Variants in RASA3 observed in about 807,000 individuals in gnomAD.
The protein encoded by RASA3 is RAS p21 protein activator 3, also known as ras GTPase-activating protein 3.
In RASA3, 73 loss-of-function variants were observed where a neutral mutation model predicts 110.0. The observed-to-expected ratio is 0.66, with a 90% CI of 0.55 to 0.81. The LOEUF (loss-of-function observed/expected upper bound fraction) is 0.81, where lower values mean the gene tolerates loss of function less well. Among genes scored for constraint, RASA3 ranks in the 30% least tolerant of loss-of-function variants. The pLI, the probability that RASA3 is intolerant of heterozygous loss-of-function variation, is 0.00. For synonymous variants in RASA3, 500 were observed against 451.4 expected, an observed-to-expected ratio of 1.11 and a Z score of -1.37; for missense variants, 976 against 1,113.2, an observed-to-expected ratio of 0.88 and a Z score of 1.75.
chr13:114,042,991 A>G (rs1326627297), intron 3 of RASA3, among the ~76,000 whole-genome samples: 4 of 152,172 alleles, frequency 2.6e-5, no homozygotes, highest in African/African-American at 9.6e-5. Context: ...CCACCCTGCG[A>G]GGTCCCAGGA....
At chr13:114,002,023 C>T (rs954830458) in intron 18 of RASA3, among the ~76,000 whole-genome samples, 7 of 152,260 alleles carry the variant, frequency 4.6e-5, no homozygotes, top group Non-Finnish European at 1.0e-4. Context: ...AACACCCTCC[C>T]GGCAGCCCAG....
intron 1 of RASA3, among the ~76,000 whole-genome samples, chr13:114,089,967 C>G (rs917102776): frequency 6.6e-6 from 1 of 152,158 alleles, no homozygotes; most frequent in African/African-American, 2.4e-5. Context: ...CCGTGCTTAG[C>G]CCGTCACAGC....
chr13:114,097,931 C>T (rs930277473), intron 1 of RASA3, among the ~76,000 whole-genome samples: 4 of 152,210 alleles, frequency 2.6e-5, no homozygotes, highest in Non-Finnish European at 5.9e-5. Context: ...CGGGGCCCCA[C>T]CACAGGGGGT....
At chr13:114,100,127 C>T (rs1000108898) in intron 1 of RASA3, among the ~76,000 whole-genome samples, 1 of 151,146 alleles carries the variant, frequency 6.6e-6, no homozygotes, top group Admixed American at 6.6e-5. Context: ...CACAGCAAGG[C>T]TTTCCAAACT....
intron 4 of RASA3, among the ~76,000 whole-genome samples, chr13:114,030,499 GAGGGCAAGACTCACA>G (rs2054138525): frequency 1.9e-5 from 2 of 106,612 alleles, no homozygotes; most frequent in African/African-American, 6.1e-5. Flanking sequence ...GACTCACACA[GAGGGCAAGACTCACA>G]CAGAGAGCAA....
chr13:114,052,391 C>T (rs1473580555), intron 2 of RASA3, among the ~76,000 whole-genome samples: 5 of 152,184 alleles, frequency 3.3e-5, no homozygotes, highest in African/African-American at 4.8e-5. Context: ...GGCTGCCTGG[C>T]GGCCCGGAAG....
At chr13:113,983,462 T>G (rs3892305) in intron 22 of RASA3, among the ~76,000 whole-genome samples, 53,076 of 111,230 alleles carry the variant, frequency 0.48, 17,833 homozygotes, top group African/African-American at 0.54. Flanking sequence ...CAGCAAAATG[T>G]GGGGAGAGAG....
Position 113,999,737 on chromosome 13 carries a change from G to A in RASA3, c.1850-70C>T, listed in dbSNP as rs1057388092. ...CGGCTGGGGTCCGGGTGGGGCTGAG[G>A]GGTCTCTGCCGGGGGGTCTCCCAGG... On this transcript the variant is annotated intron_variant, in intron 19 of 23. Transcript: ENST00000334062. 26 of 1,336,890 alleles carry A rather than the reference G, an allele frequency of 1.9e-5. No homozygotes were observed. The Admixed American group carries it at 3.0e-4, about 15-fold the overall frequency. The allele number at this position is 1,336,890 out of a possible 1,614,324, so 82.8% of individuals were successfully genotyped here. A position where few individuals can be genotyped will look rare whatever the true frequency, so the allele number is the denominator to read the frequency against.
chr13:113,989,098 C>T (rs1352173296), intron 22 of RASA3, among the ~76,000 whole-genome samples: 1 of 149,892 alleles, frequency 6.7e-6, no homozygotes, highest in Non-Finnish European at 1.5e-5. Flanking sequence ...CGATCACTCA[C>T]CCATCTGTCC....
intron 1 of RASA3, among the ~76,000 whole-genome samples, chr13:114,074,483 T>C (rs990323943): frequency 2.0e-5 from 3 of 152,244 alleles, no homozygotes; most frequent in Non-Finnish European, 4.4e-5. Context: ...ATAACTTCCA[T>C]GATGCAAAGG....
chr13:114,030,144 C>T lies in RASA3; in HGVS notation c.373-257G>A, dbSNP rs367972456. Among the ~76,000 whole-genome samples, 11 of 152,340 alleles carry T rather than the reference C, an allele frequency of 7.2e-5. No individual in the cohort carries two copies. In the East Asian group the frequency reaches 1.3e-3, roughly 19 times the overall value. On this transcript the variant is annotated intron_variant, in intron 4 of 23. Transcript: ENST00000334062. ...GCTCCTGGCTCTGCTGAGAGCAGGT[C>T]GCTGCCTCAGAAGTGAGGGGTCCAA...
intron 2 of RASA3, among the ~76,000 whole-genome samples, chr13:114,070,079 C>T (rs1311204609): frequency 1.6e-4 from 11 of 69,142 alleles, no homozygotes; most frequent in Non-Finnish European, 2.7e-4. Flanking sequence ...CTCGGGGAGC[C>T]GGGAGACTTG....
At chr13:114,116,605 G>A (rs1438932528) in intron 1 of RASA3, among the ~76,000 whole-genome samples, 1 of 152,024 alleles carries the variant, frequency 6.6e-6, no homozygotes, top group East Asian at 1.9e-4. Context: ...TTTAAATAAA[G>A]TTATTTGAAA....
At chr13:114,124,296 C>T (rs1441188829) in intron 1 of RASA3, among the ~76,000 whole-genome samples, 4 of 152,214 alleles carry the variant, frequency 2.6e-5, no homozygotes, top group Non-Finnish European at 5.9e-5. Context: ...GAATCCAGCC[C>T]TGTCTGCAGA....
At chr13:114,100,465 C>T (rs2080042419) in intron 1 of RASA3, among the ~76,000 whole-genome samples, 1 of 152,348 alleles carries the variant, frequency 6.6e-6, no homozygotes, top group Admixed American at 6.5e-5. Context: ...AGGGCTCTGT[C>T]AGGCGGAGGA....
intron 4 of RASA3, among the ~76,000 whole-genome samples, chr13:114,038,060 T>C (rs1322544454): frequency 6.7e-6 from 1 of 150,204 alleles, no homozygotes; most frequent in Non-Finnish European, 1.5e-5. Context: ...TCTATAACCA[T>C]TTCAAAATTA....
At chr13:114,107,310 G>A (rs2080147676) in intron 1 of RASA3, among the ~76,000 whole-genome samples, 1 of 132,232 alleles carries the variant, frequency 7.6e-6, no homozygotes, top group South Asian at 2.7e-4. Flanking sequence ...CCTTGCGGGG[G>A]ACGGGCCTGT....
Position 113,996,701 on chromosome 13 carries a change from G to C in RASA3, c.1971C>G (p.Ile657Met). ...TGGCCTCCACGCAGTTGTTGGCCTG[G>C]ATGTACAGCGCACGCTCTGGCTGGA... ...QVIQPERALY[I>M]QANNCVEAKD... The change falls in exon 21 of 24, where the codon ATC (isoleucine) becomes ATG (methionine). Residue 657 changes from isoleucine to methionine, a missense_variant. By Grantham distance (10) the Ile-to-Met change is conservative. Transcript: ENST00000334062. 6.2e-7 allele frequency: 1 copy of C among 1,613,804 alleles called. No homozygotes were observed. Among genetic ancestry groups the C allele is most frequent in the Non-Finnish European group, 8.5e-7 (1 of 1,180,018 alleles).
intron 4 of RASA3, among the ~76,000 whole-genome samples, chr13:114,032,849 ACGTTCCACGGCACCCCCACAC>A (rs2054198306): frequency 1.1e-5 from 1 of 89,248 alleles, no homozygotes. Flanking sequence ...ACTTGATACC[ACGTTCCACGGCACCCCCACAC>A]TGACACCACA....
Sources: allele counts gnomAD v4.1 joint callset (sites outside exome capture counted in the v4.1 genomes callset), GRCh38; gene constraint gnomAD v4.1.1; transcripts MANE v1.5; gene names NCBI Gene and HGNC (gene_info 2026-07-23, HGNC 2026-07-21).